RAP1GAP2: variants seen among roughly 807,000 people sequenced by gnomAD.
RAP1GAP2 encodes the protein RAP1 GTPase activating protein 2.
RAP1GAP2 carries 27 observed loss-of-function variants against 95.0 expected under a neutral mutation model. The observed-to-expected ratio is 0.28, with a 90% confidence interval of 0.21 to 0.39. RAP1GAP2 has a LOEUF of 0.39. Among genes scored for constraint, RAP1GAP2 ranks in the 10% least tolerant of loss-of-function variants. The pLI, the probability that RAP1GAP2 is intolerant of heterozygous loss-of-function variation, is 1.00. For synonymous variants in RAP1GAP2, 373 were observed against 380.9 expected (o/e 0.98, Z 0.24); for missense variants, 771 against 970.0 (o/e 0.79, Z 2.72).
chr17:2,853,529 C>T (rs2071976894), intron 2 of RAP1GAP2, among the ~76,000 whole-genome samples: 1 of 148,258 alleles, frequency 6.7e-6, no homozygotes, highest in Non-Finnish European at 1.5e-5. Flanking sequence ...GAGGCAGGGC[C>T]GGGGCCGGGG....
chr17:2,801,990 A>G (rs527490133), intron 2 of RAP1GAP2, among the ~76,000 whole-genome samples: 2 of 152,304 alleles, frequency 1.3e-5, no homozygotes, highest in South Asian at 2.1e-4. Flanking sequence ...CTGGCTAACC[A>G]TCTGCTCCAG....
At chr17:3,007,772 G>A (rs2046382063) in intron 16 of RAP1GAP2, among the ~76,000 whole-genome samples, 1 of 152,212 alleles carries the variant, frequency 6.6e-6, no homozygotes, top group African/African-American at 2.4e-5. Context: ...AGCTGTGGCA[G>A]TGGTGGGACG....
chr17:2,999,921 G>A lies in RAP1GAP2; in HGVS notation c.1200+1545G>A, dbSNP rs540027037. ...CCATTGAGCAGTTTTAGCTGAAGCT[G>A]GCGAAGACATGGTGTGAGCATTTAT... On this transcript the variant is annotated intron_variant, in intron 14 of 24. Transcript: ENST00000254695. Among the ~76,000 whole-genome samples the A allele has an allele frequency of 4.6e-5, 7 of 152,266 alleles. 1 individual carries two copies. The highest frequency in any genetic ancestry group is 1.7e-4 in the African/African-American group (7 of 41,560).
At chr17:2,792,960 TG>T (rs2068964902), upstream of RAP1GAP2, among the ~76,000 whole-genome samples, 1 of 152,166 alleles carries the variant, frequency 6.6e-6, no homozygotes, top group African/African-American at 2.4e-5. Flanking sequence ...CTGTCAGCTT[TG>T]TCTTCCCCTA....
chr17:2,898,416 T>G (rs2151715070), intron 2 of RAP1GAP2, among the ~76,000 whole-genome samples: 1 of 152,150 alleles, frequency 6.6e-6, no homozygotes, highest in East Asian at 1.9e-4. Flanking sequence ...TCCTCTTCCC[T>G]CCCCCACACT....
intron 16 of RAP1GAP2, among the ~76,000 whole-genome samples, chr17:3,007,367 A>G (rs550731102): frequency 6.6e-6 from 1 of 152,272 alleles, no homozygotes. Flanking sequence ...AGGTGCAGGA[A>G]GGCGGCCAGT....
At chr17:2,985,327 G>A (rs916861837) in intron 11 of RAP1GAP2, among the ~76,000 whole-genome samples, 7 of 151,090 alleles carry the variant, frequency 4.6e-5, no homozygotes, top group East Asian at 3.9e-4. Flanking sequence ...TGGCTGCCTC[G>A]TCTTCTACGT....
At chr17:3,030,343 T>C (rs909820459) in intron 22 of RAP1GAP2, among the ~76,000 whole-genome samples, 6 of 152,140 alleles carry the variant, frequency 3.9e-5, no homozygotes, top group Non-Finnish European at 5.9e-5. Flanking sequence ...CTATTCACAA[T>C]GTAATCGCTG....
chr17:2,828,631 T>A (rs2070694239), intron 2 of RAP1GAP2, among the ~76,000 whole-genome samples: 1 of 152,088 alleles, frequency 6.6e-6, no homozygotes, highest in Admixed American at 6.6e-5. Flanking sequence ...GGCCCAGGAC[T>A]GCCCGGGCAT....
intron 2 of RAP1GAP2, among the ~76,000 whole-genome samples, chr17:2,851,556 A>C (rs2071848421): frequency 6.6e-6 from 1 of 152,094 alleles, no homozygotes; most frequent in African/African-American, 2.4e-5. Flanking sequence ...ACTGCCAGGA[A>C]AATTCTACCT....
chr17:2,885,673 A>G (rs2317668), intron 2 of RAP1GAP2, among the ~76,000 whole-genome samples: 25,649 of 151,928 alleles, frequency 0.17, 2,263 homozygotes, highest in Non-Finnish European at 0.2. Flanking sequence ...CACTTGGGTG[A>G]TTTTCTGGCT....
At chr17:2,972,986 T>C (rs893721655) in intron 8 of RAP1GAP2, among the ~76,000 whole-genome samples, 4 of 152,180 alleles carry the variant, frequency 2.6e-5, no homozygotes, top group African/African-American at 9.7e-5. Flanking sequence ...CATCTTCTTC[T>C]TAGGGACAGG....
intron 2 of RAP1GAP2, among the ~76,000 whole-genome samples, chr17:2,864,701 T>C (rs2151626954): frequency 6.6e-6 from 1 of 152,308 alleles, no homozygotes. Flanking sequence ...CTTCTTGGTC[T>C]TGGCAGATCC....
chr17:2,997,588 A>T (rs17835197), intron 13 of RAP1GAP2, among the ~76,000 whole-genome samples: 1 of 152,024 alleles, frequency 6.6e-6, no homozygotes. Context: ...GCCTCTACCT[A>T]ACGACTTGGC....
intron 3 of RAP1GAP2, among the ~76,000 whole-genome samples, chr17:2,908,748 G>A (rs111716382): frequency 1.4e-4 from 21 of 152,118 alleles, no homozygotes; most frequent in South Asian, 2.1e-4. Context: ...AGGGTCGTGC[G>A]CTGTCACTCA....
rs2046270462 is a variant in RAP1GAP2, at chr17:3,004,449, G to A, written c.1201-920G>A. Among the ~76,000 whole-genome samples the A allele has an allele frequency of 6.6e-6, 1 of 152,262 alleles. No individual in the cohort carries two copies. Among genetic ancestry groups the A allele is most frequent in the South Asian group, 2.1e-4 (1 of 4,834 alleles). ...GGGAGGCTGGCAGCACGCCAGGGCTGGGCTCACGTCAGCGGCTGTGTAGGG... is the reference window on the plus strand; with the variant it reads ...GGGAGGCTGGCAGCACGCCAGGGCTAGGCTCACGTCAGCGGCTGTGTAGGG... On this transcript the variant is annotated intron_variant, in intron 14 of 24. Coordinates refer to ENST00000254695, the MANE Select transcript of RAP1GAP2 (RefSeq NM_015085.5). The surrounding 1 kb of genome is among the most constrained non-coding windows in gnomAD (Gnocchi z 4.1).
In RAP1GAP2 at chr17:2,993,931, G is replaced by A. The variant is rs1360962717; in HGVS notation, c.915-1406G>A. Among the ~76,000 whole-genome samples the A allele has an allele frequency of 2.6e-5, 4 of 151,914 alleles. No homozygotes were observed. The East Asian group carries it at 5.8e-4, about 22-fold the overall frequency. On this transcript the variant is annotated intron_variant, in intron 12 of 24. Transcript: ENST00000254695. ...ATTGTGGTGTGCTCCTGTGGTCCCC[G>A]CTACTTGGCAGGCTGAGGCGAGGAG...
At chr17:2,945,547 C>T (rs1372282088) in intron 3 of RAP1GAP2, among the ~76,000 whole-genome samples, 1 of 150,246 alleles carries the variant, frequency 6.7e-6, no homozygotes, top group Non-Finnish European at 1.5e-5. Flanking sequence ...TGTTTTGTTG[C>T]TACTTCATCT....
In RAP1GAP2 at chr17:2,977,746, T is replaced by TAA. The variant is rs35219186; in HGVS notation, c.597-2516_597-2515dup. Among the ~76,000 whole-genome samples the TAA allele has an allele frequency of 3.5e-4, 27 of 76,858 alleles. 1 individual carries two copies. The South Asian group carries it at 4.8e-3, about 14-fold the overall frequency. The allele number at this position is 76,858 out of a possible 152,430, so 50.4% of individuals were successfully genotyped here. A position where few individuals can be genotyped will look rare whatever the true frequency, so the allele number is the denominator to read the frequency against. Reference sequence around the variant, plus strand: ...GGCGACAGAGTGAGAGACTCCGTCTTAAAAAAAAAAAAAAAAAAAAAAAAA... The same window carrying TAA: ...GGCGACAGAGTGAGAGACTCCGTCTTAAAAAAAAAAAAAAAAAAAAAAAAAAA... On this transcript the variant is annotated intron_variant, in intron 8 of 24. Coordinates refer to ENST00000254695, the MANE Select transcript of RAP1GAP2 (RefSeq NM_015085.5).
Sources: allele counts gnomAD v4.1 joint callset (sites outside exome capture counted in the v4.1 genomes callset), GRCh38; gene constraint gnomAD v4.1.1; non-coding constraint Gnocchi (gnomAD v3.1); transcripts MANE v1.5; gene names NCBI Gene and HGNC (gene_info 2026-07-23, HGNC 2026-07-21).